The following ITGA4 variants were observed in gnomAD, a reference collection of about 807,000 sequenced individuals.
ITGA4 encodes the protein integrin subunit alpha 4.
ITGA4 carries 63 observed loss-of-function variants against 133.6 expected under a neutral mutation model. That is an observed-to-expected ratio of 0.47 (90% CI 0.38 to 0.58). The LOEUF (loss-of-function observed/expected upper bound fraction) is 0.58, where lower values mean the gene tolerates loss of function less well. Among genes scored for constraint, ITGA4 ranks in the 20% least tolerant of loss-of-function variants. The pLI, the probability that ITGA4 is intolerant of heterozygous loss-of-function variation, is 0.00. For synonymous variants in ITGA4, 483 were observed against 438.0 expected (o/e 1.10, Z -1.28); for missense variants, 1,076 against 1,252.7 (o/e 0.86, Z 2.13).
At chr2:181,535,035 G>A (rs16867438) in intron 27 of ITGA4, 100 bp downstream of exon 27, 2 of 1,328,246 alleles carry the variant, frequency 1.5e-6, no homozygotes, top group Non-Finnish European at 2.0e-6. Flanking sequence ...TTCACTATTT[G>A]AATGTTAACT....
At chr2:181,477,524 A>G (rs145625646) in intron 4 of ITGA4, among the ~76,000 whole-genome samples, 17 of 152,278 alleles carry the variant, frequency 1.1e-4, no homozygotes, top group Admixed American at 5.2e-4. Context: ...CTGATTAAAA[A>G]TTAGTCAAGA....
chr2:181,492,838 TC>T (rs1441874877), intron 10 of ITGA4, among the ~76,000 whole-genome samples: 1 of 152,232 alleles, frequency 6.6e-6, no homozygotes, highest in Non-Finnish European at 1.5e-5. Flanking sequence ...AAGTCTAGAC[TC>T]CCAAAATAAA....
At chr2:181,519,333 T>C (rs183101514) in intron 17 of ITGA4, among the ~76,000 whole-genome samples, 1 of 152,244 alleles carries the variant, frequency 6.6e-6, no homozygotes, top group East Asian at 1.9e-4. Context: ...CAGAGGGTTT[T>C]TCAGTGGTGC....
At chr2:181,530,707 T>G in intron 24 of ITGA4, 58 bp downstream of exon 24, 1 of 1,512,034 alleles carries the variant, frequency 6.6e-7, no homozygotes, top group Non-Finnish European at 9.1e-7. Context: ...GTGAGACACT[T>G]AAAATCAAGT....
intron 15 of ITGA4, 79 bp downstream of exon 15, chr2:181,498,856 T>C: frequency 6.8e-7 from 1 of 1,469,364 alleles, no homozygotes; most frequent in South Asian, 1.5e-5. Context: ...TATTGGTATC[T>C]TTTTATAAAA....
Position 181,537,939 on chromosome 2 carries a change from T to C in ITGA4, c.*2412T>C, listed in dbSNP as rs972789905. 2.3e-5 allele frequency: 14 copies of C among 611,254 alleles called. No homozygotes were observed. Among genetic ancestry groups the C allele is most frequent in the African/African-American group, 2.2e-4 (12 of 55,118 alleles). The allele number at this position is 611,254 out of a possible 1,614,324, so 37.9% of individuals were successfully genotyped here. ...GATCAGCAGCAGCATTAGATTCTCA[T>C]AGAAGTGCGAACCATATGGTGAACT... is the stretch of plus-strand genomic sequence containing the variant. On this transcript the variant is annotated 3_prime_UTR_variant, in exon 28 of 28. Coordinates refer to ENST00000397033, the MANE Select transcript of ITGA4 (RefSeq NM_000885.6).
rs562101764 is a variant in ITGA4 at position 181,462,013 on chromosome 2, TTAAA to T, written c.319+3701_319+3704del. On this transcript the variant is annotated intron_variant, in intron 2 of 27. Transcript: ENST00000397033. Reference sequence around the variant, plus strand: ...TTATTAGGCGAAATAAAATTTTAGGTTAAATAAAATTAATTTTATTTTTACTTTT... The same window carrying T: ...TTATTAGGCGAAATAAAATTTTAGGTTAAAATTAATTTTATTTTTACTTTT... Among the ~76,000 whole-genome samples, 5 of 152,326 alleles carry T rather than the reference TTAAA, an allele frequency of 3.3e-5. No individual in the cohort carries two copies. The South Asian group carries it at 6.2e-4, about 19-fold the overall frequency.
chr2:181,492,589 A>G (rs1686074564), intron 10 of ITGA4, among the ~76,000 whole-genome samples: 1 of 152,200 alleles, frequency 6.6e-6, no homozygotes, highest in African/African-American at 2.4e-5. Context: ...ATATATTTAT[A>G]GCATTTAAGC....
chr2:181,494,036 G>T (rs537279868), intron 11 of ITGA4, among the ~76,000 whole-genome samples: 132 of 152,226 alleles, frequency 8.7e-4, no homozygotes, highest in African/African-American at 2.1e-3. Context: ...TGAGCAAATG[G>T]TTCTCTGTAA....
Position 181,493,317 on chromosome 2 carries a change from T to A in ITGA4, c.1154-8T>A, listed in dbSNP as rs1686094422. On this transcript the variant is annotated splice_polypyrimidine_tract_variant and splice_region_variant and intron_variant, in intron 10 of 27. Coordinates refer to ENST00000397033, the MANE Select transcript of ITGA4 (RefSeq NM_000885.6). ...ATTTATTTTTCCATTGTTTAAATTA[T>A]TGGATAGATGTTGCTATCGGAGCTC... 1.3e-6 allele frequency: 2 copies of A among 1,577,582 alleles called. No individual in the cohort carries two copies. The highest frequency in any genetic ancestry group is 2.7e-5 in the African/African-American group (2 of 73,676).
At chr2:181,497,292 TC>T (rs2105746581) in intron 14 of ITGA4, among the ~76,000 whole-genome samples, 1 of 152,300 alleles carries the variant, frequency 6.6e-6, no homozygotes, top group African/African-American at 2.4e-5. Context: ...ACATAAATAA[TC>T]ATCACATTAT....
At chr2:181,480,776 A>G (rs74823151) in intron 6 of ITGA4, among the ~76,000 whole-genome samples, 1 of 152,224 alleles carries the variant, frequency 6.6e-6, no homozygotes, top group Non-Finnish European at 1.5e-5. Flanking sequence ...ATTGACCTTC[A>G]CCTCATAAGT....
At position 181,457,471 on chromosome 2, in the gene ITGA4, C is replaced by T. The variant is rs1685148866; in HGVS notation, c.-184C>T. ...GAGTGCGCGGCATCCCAGGCCGGCC[C>T]GAACGCTCCGCCCGCGGTGGGCCGA... On this transcript the variant is annotated 5_prime_UTR_variant, in exon 1 of 28. Transcript: ENST00000397033. 3 of 596,138 alleles carry T rather than the reference C, an allele frequency of 5.0e-6. No homozygotes were observed. The highest frequency in any genetic ancestry group is 2.0e-5 in the South Asian group (1 of 49,194). 36.9% of individuals were successfully genotyped at this position (596,138 alleles called of 1,614,324 possible). A position where few individuals can be genotyped will look rare whatever the true frequency, so the allele number is the denominator to read the frequency against.
At chr2:181,533,842 G>GGATTCTGCGTTATA (rs1222349392) in intron 25 of ITGA4, among the ~76,000 whole-genome samples, 3 of 152,050 alleles carry the variant, frequency 2.0e-5, no homozygotes, top group Non-Finnish European at 4.4e-5. Context: ...CAAGCTTCAT[G>GGATTCTGCGTTATA]GATTCTGCGT....
chr2:181,495,342 A>G lies in ITGA4; in HGVS notation c.1340-29A>G. 6.4e-7 allele frequency: 1 copy of G among 1,573,420 alleles called. No homozygotes were observed. ...TAATTCTCTTTGACTAATGATGATCATTAATCTGTGTTGTTTTTTATCCTC... is the reference window on the plus strand; with the variant it reads ...TAATTCTCTTTGACTAATGATGATCGTTAATCTGTGTTGTTTTTTATCCTC... On this transcript the variant is annotated intron_variant, in intron 12 of 27. Transcript: ENST00000397033. The surrounding 1 kb of genome is among the most constrained non-coding windows in gnomAD (Gnocchi z 4.3).
chr2:181,520,048 TAGTG>T (rs780576996), intron 17 of ITGA4, among the ~76,000 whole-genome samples: 31 of 152,074 alleles, frequency 2.0e-4, no homozygotes, highest in Non-Finnish European at 4.0e-4. Flanking sequence ...ATTAGTCTAG[TAGTG>T]AGAGGAACCA....
chr2:181,472,879 G>A (rs1027865370), intron 2 of ITGA4, among the ~76,000 whole-genome samples: 2 of 151,770 alleles, frequency 1.3e-5, no homozygotes, highest in Non-Finnish European at 2.9e-5. Context: ...GAGACCTTAT[G>A]TGTCCACCTG....
Position 181,516,487 on chromosome 2 carries a change from G to C in ITGA4, c.1922+4712G>C, listed in dbSNP as rs1456754024. Reference sequence around the variant, plus strand: ...CAAGCAGCATCAAGCTTCCAAGCAAGAGAAAAGGGAAAAGAGCAAAAGTGC... The same window carrying C: ...CAAGCAGCATCAAGCTTCCAAGCAACAGAAAAGGGAAAAGAGCAAAAGTGC... On this transcript the variant is annotated intron_variant, in intron 17 of 27. Transcript: ENST00000397033. The surrounding 1 kb of genome is among the most constrained non-coding windows in gnomAD (Gnocchi z 4.0). Among the ~76,000 whole-genome samples, 1 of 151,936 alleles carries C rather than the reference G, an allele frequency of 6.6e-6. No individual in the cohort carries two copies. The highest frequency in any genetic ancestry group is 6.6e-5 in the Admixed American group (1 of 15,200).
chr2:181,497,172 C>G (rs1485933848), intron 14 of ITGA4, among the ~76,000 whole-genome samples: 1 of 152,226 alleles, frequency 6.6e-6, no homozygotes, highest in Non-Finnish European at 1.5e-5. Context: ...GAAAGACACA[C>G]ATTGAGTAGA....
Sources: gnomAD v4.1 joint callset for allele counts (sites outside exome capture counted in the v4.1 genomes callset) on GRCh38, gnomAD v4.1.1 for gene constraint, Gnocchi (gnomAD v3.1) non-coding constraint, MANE v1.5 for transcripts, NCBI Gene and HGNC (gene_info 2026-07-23, HGNC 2026-07-21) for gene names.